The following TMEM64 variants were observed in gnomAD, a reference collection of about 807,000 sequenced individuals.
TMEM64 encodes transmembrane protein 64.
A neutral mutation model predicts 24.5 loss-of-function variants in TMEM64; 19 were observed. The observed-to-expected ratio is 0.78, with a 90% CI of 0.54 to 1.14. The LOEUF (loss-of-function observed/expected upper bound fraction) is 1.14, where lower values mean the gene tolerates loss of function less well. Ranked by LOEUF, TMEM64 falls within the 50% of genes most tolerant of loss-of-function variation. The pLI is 0.00. For missense variants in TMEM64, 487 were observed against 493.0 expected, an observed-to-expected ratio of 0.99 and a Z score of 0.12; for synonymous variants, 262 against 224.7, an observed-to-expected ratio of 1.17 and a Z score of -1.49.
chr8:90,630,022 A>G (rs1809414426), intron 2 of TMEM64, among the ~76,000 whole-genome samples: 1 of 152,178 alleles, frequency 6.6e-6, no homozygotes, highest in Non-Finnish European at 1.5e-5. Flanking sequence ...ATACTCAATA[A>G]CAGTTAAGTT....
chr8:90,637,870 C>T (rs1809546278), intron 1 of TMEM64, among the ~76,000 whole-genome samples: 1 of 152,134 alleles, frequency 6.6e-6, no homozygotes, highest in African/African-American at 2.4e-5. Flanking sequence ...CATTAACTAC[C>T]TATTCTCTTT....
At position 90,631,689 on chromosome 8, in the gene TMEM64, G is replaced by A. The variant is rs1809441969; in HGVS notation, c.814C>T (p.Pro272Ser). 2 of 1,612,898 alleles carry A rather than the reference G, an allele frequency of 1.2e-6. No individual in the cohort carries two copies. Among genetic ancestry groups the A allele is most frequent in the Non-Finnish European group, 1.7e-6 (2 of 1,179,200 alleles). Residue 272 changes from proline to serine, a missense_variant, in exon 2 of 3, where the codon CCC becomes TCC. By Grantham distance (74) the Pro-to-Ser change is moderately conservative. Around this residue, in one of 3 missense-constraint regions of TMEM64, gnomAD observed 419 missense variants for 407.5 expected, o/e 1.03. Transcript: ENST00000458549. ...ACCGAAGATGCCATCAGATAGTTGG[G>A]TAATGAGAGATCAGTAATCTAGAAG... ...AVFSITDLSLPNYLMASSVGL... is the reference protein window; with the variant it reads ...AVFSITDLSLSNYLMASSVGL...
intron 1 of TMEM64, among the ~76,000 whole-genome samples, chr8:90,644,647 G>T (rs1331960537): frequency 6.6e-6 from 1 of 152,154 alleles, no homozygotes; most frequent in Non-Finnish European, 1.5e-5. Flanking sequence ...CCAAAATCTG[G>T]AGTCTGCAAC....
At chr8:90,626,995 T>C (rs1401204895) in intron 2 of TMEM64, among the ~76,000 whole-genome samples, 1 of 152,212 alleles carries the variant, frequency 6.6e-6, no homozygotes, top group African/African-American at 2.4e-5. Context: ...ATGAGTTTTA[T>C]TCCAAAGTTC....
chr8:90,626,246 A>G (rs1273231618), intron 2 of TMEM64, among the ~76,000 whole-genome samples: 1 of 152,250 alleles, frequency 6.6e-6, no homozygotes, highest in Non-Finnish European at 1.5e-5. Flanking sequence ...ATACCTTTGC[A>G]TGACTATAAA....
Position 90,623,822 on chromosome 8 carries a change from G to A in TMEM64, c.*1849C>T, listed in dbSNP as rs567407245. The A allele has an allele frequency of 6.6e-6, 1 of 151,908 alleles. No individual in the cohort carries two copies. Among genetic ancestry groups the A allele is most frequent in the East Asian group, 1.9e-4 (1 of 5,168 alleles). The allele number at this position is 151,908 out of a possible 1,614,324, so 9.4% of individuals were successfully genotyped here. On this transcript the variant is annotated 3_prime_UTR_variant, in exon 3 of 3. Transcript: ENST00000458549. ...TTCACAAAAACTAACCAACAAACAA[G>A]AAGCACAAGAAAAAGGTTGTCAGGT...
At chr8:90,626,779 C>T (rs369380538) in intron 2 of TMEM64, among the ~76,000 whole-genome samples, 19 of 151,750 alleles carry the variant, frequency 1.3e-4, no homozygotes, top group Non-Finnish European at 2.7e-4. Flanking sequence ...TACATGCATG[C>T]GCCCCACGCC....
chr8:90,626,481 AT>A (rs1307035488), intron 2 of TMEM64, among the ~76,000 whole-genome samples: 1 of 152,230 alleles, frequency 6.6e-6, no homozygotes, highest in Non-Finnish European at 1.5e-5. Flanking sequence ...AGTCAAAGGG[AT>A]ACTAGAAAAA....
chr8:90,644,498 C>G (rs1809656691), intron 1 of TMEM64, among the ~76,000 whole-genome samples: 1 of 152,218 alleles, frequency 6.6e-6, no homozygotes, highest in Non-Finnish European at 1.5e-5. Context: ...ATTATCTGTT[C>G]TGTTTTATTC....
Position 90,645,514 on chromosome 8 carries a change from G to T in TMEM64, c.392C>A (p.Ala131Asp). 6.5e-7 allele frequency: 1 copy of T among 1,550,368 alleles called. No individual in the cohort carries two copies. Among genetic ancestry groups the T allele is most frequent in the South Asian group, 1.2e-5 (1 of 84,064 alleles). Reference sequence around the variant, plus strand: ...CAGGGCCAGGGAAGCGAAGCACAGGGCGGCCAACACGCAGACCAGCACGAG... The same window carrying T: ...CAGGGCCAGGGAAGCGAAGCACAGGTCGGCCAACACGCAGACCAGCACGAG... ...RSLVLVCVLA[A>D]LCFASLALVR... is the part of the protein sequence containing the mutation. Residue 131 changes from alanine to aspartate, a missense_variant, in exon 1 of 3, where the codon GCC becomes GAC. By Grantham distance (126) the Ala-to-Asp change is moderately radical. Transcript: ENST00000458549. This position sits in a 1 kb window ranked among gnomAD's most constrained non-coding sequence, Gnocchi z 4.2.
In TMEM64 at chr8:90,622,896, G is replaced by T. The variant is rs1809302162; in HGVS notation, c.*2775C>A. On this transcript the variant is annotated 3_prime_UTR_variant, in exon 3 of 3. Transcript: ENST00000458549. ...TACACATTCTAATGACAGAGATTTG[G>T]TAATATTATTTTCACAAACCAAACA... 6.6e-6 allele frequency: 1 copy of T among 152,066 alleles called. No individual in the cohort carries two copies. Among genetic ancestry groups the T allele is most frequent in the South Asian group, 2.1e-4 (1 of 4,824 alleles). 9.4% of individuals were successfully genotyped at this position (152,066 alleles called of 1,614,324 possible).
In TMEM64 at chr8:90,625,920, A is replaced by G. The variant is rs1236672498; in HGVS notation, c.952-58T>C. On this transcript the variant is annotated intron_variant, in intron 2 of 2. Coordinates refer to ENST00000458549, the MANE Select transcript of TMEM64 (RefSeq NM_001008495.4). ...ATATTTTATACAAAAAAAAGAAATA[A>G]ATCCAATAAATATTTGGCTTAGAAA... 2.3e-6 allele frequency: 3 copies of G among 1,309,188 alleles called. No individual in the cohort carries two copies. The Admixed American group carries it at 6.7e-5, about 29-fold the overall frequency. The allele number at this position is 1,309,188 out of a possible 1,614,324, so 81.1% of individuals were successfully genotyped here.
At chr8:90,641,170 T>A (rs939933103) in intron 1 of TMEM64, among the ~76,000 whole-genome samples, 1 of 152,196 alleles carries the variant, frequency 6.6e-6, no homozygotes, top group Non-Finnish European at 1.5e-5. Context: ...ACTTTTTCCA[T>A]GAAGCACCAG....
chr8:90,644,022 C>G (rs1294767929), intron 1 of TMEM64, among the ~76,000 whole-genome samples: 2 of 152,166 alleles, frequency 1.3e-5, no homozygotes, highest in Non-Finnish European at 2.9e-5. Context: ...TTTCCAGAAA[C>G]TAACAATAAT....
rs1809293824 is a variant in TMEM64, at chr8:90,622,309, A to G, written c.*3362T>C. The G allele has an allele frequency of 6.6e-6, 1 of 152,214 alleles. No homozygotes were observed. The highest frequency in any genetic ancestry group is 6.5e-5 in the Admixed American group (1 of 15,278). 9.4% of individuals were successfully genotyped at this position (152,214 alleles called of 1,614,324 possible). A position where few individuals can be genotyped will look rare whatever the true frequency, so the allele number is the denominator to read the frequency against. On this transcript the variant is annotated 3_prime_UTR_variant, in exon 3 of 3. Transcript: ENST00000458549. Reference sequence around the variant, plus strand: ...TGACTTTAAAAAGATTACATCCTAAATACTTGATTACAACAGAAATCGACC... The same window carrying G: ...TGACTTTAAAAAGATTACATCCTAAGTACTTGATTACAACAGAAATCGACC...
In TMEM64 at chr8:90,625,821, T is replaced by G. The variant is rs777954098; in HGVS notation, c.993A>C (p.Arg331=). The G allele has an allele frequency of 1.9e-6, 3 of 1,613,714 alleles. No homozygotes were observed. The highest frequency in any genetic ancestry group is 2.5e-6 in the Non-Finnish European group (3 of 1,179,760). Residue 331 remains arginine (R), a synonymous_variant, in exon 3 of 3, where the codon CGA becomes CGC. Coordinates refer to ENST00000458549, the MANE Select transcript of TMEM64 (RefSeq NM_001008495.4). ...SIGLMFYVVH[R]AQVELNAAIV... ...TAGCTGCATTCAATTCCACTTGAGC[T>G]CGATGAACTACATAAAACATGAGGC...
intron 1 of TMEM64, among the ~76,000 whole-genome samples, chr8:90,640,855 T>C (rs1809593896): frequency 6.6e-6 from 1 of 152,182 alleles, no homozygotes; most frequent in Non-Finnish European, 1.5e-5. Context: ...TATTTGTTGC[T>C]TCAAACCTAT....
Position 90,645,389 on chromosome 8 carries a change from G to C in TMEM64, c.517C>G (p.Pro173Ala), listed in dbSNP as rs947057723. 6.4e-7 allele frequency: 1 copy of C among 1,551,754 alleles called. No homozygotes were observed. Among genetic ancestry groups the C allele is most frequent in the East Asian group, 2.4e-5 (1 of 40,918 alleles). Residue 173 changes from proline to alanine, a missense_variant, in exon 1 of 3, where the codon CCC becomes GCC. By Grantham distance (27) the Pro-to-Ala change is conservative (BLOSUM62 -1). Transcript: ENST00000458549. This position sits in a 1 kb window ranked among gnomAD's most constrained non-coding sequence, Gnocchi z 4.2. ...FVVGFIVVSF[P>A]CGWGYIVLNV... ...AGCACGATGTAGCCCCAGCCGCAGGGGAAAGAGACCACGATGAAGCCCACG... is the reference window on the plus strand; with the variant it reads ...AGCACGATGTAGCCCCAGCCGCAGGCGAAAGAGACCACGATGAAGCCCACG...
Position 90,635,097 on chromosome 8 carries a change from A to G in TMEM64, c.796-3390T>C, listed in dbSNP as rs111514530. ...GAGATAAAAAGACACAATGCCTACC[A>G]CTGATGGATTTACACACTGACAAAT... On this transcript the variant is annotated intron_variant, in intron 1 of 2. Coordinates refer to ENST00000458549, the MANE Select transcript of TMEM64 (RefSeq NM_001008495.4). Among the ~76,000 whole-genome samples the G allele has an allele frequency of 2.9e-3, 447 of 152,300 alleles. 2 individuals carry two copies. The highest frequency in any genetic ancestry group is 9.8e-3 in the African/African-American group (408 of 41,568).
Sources: gnomAD v4.1 joint callset for allele counts (sites outside exome capture counted in the v4.1 genomes callset) on GRCh38, gnomAD v4.1.1 for gene constraint, gnomAD v4.1.1 regional missense constraint, Gnocchi (gnomAD v3.1) non-coding constraint, MANE v1.5 for transcripts, NCBI Gene and HGNC (gene_info 2026-07-23, HGNC 2026-07-21) for gene names.